GBP3: variants seen among roughly 807,000 people sequenced by gnomAD.
GBP3 encodes guanylate binding protein 3.
GBP3 carries 55 observed loss-of-function variants against 62.4 expected under a neutral mutation model. That is an observed-to-expected ratio of 0.88 (90% CI 0.71 to 1.10). GBP3 has a LOEUF of 1.10. GBP3 is among the 50% of genes least tolerant of loss of function. GBP3 has a pLI of 0.00. For synonymous variants in GBP3, 208 were observed against 259.2 expected, an observed-to-expected ratio of 0.80 and a Z score of 1.90; for missense variants, 605 against 690.6, an observed-to-expected ratio of 0.88 and a Z score of 1.39.
Position 89,007,650 on chromosome 1 carries a change from T to C in GBP3, c.*74A>G. 1.5e-6 allele frequency: 2 copies of C among 1,359,498 alleles called. No individual in the cohort carries two copies. Among genetic ancestry groups the C allele is most frequent in the Non-Finnish European group, 2.0e-6 (2 of 975,990 alleles). The allele number at this position is 1,359,498 out of a possible 1,614,324, so 84.2% of individuals were successfully genotyped here. On this transcript the variant is annotated 3_prime_UTR_variant, in exon 11 of 11. Transcript: ENST00000370481. ...TGCAAGATCTAATTATTATCAAATA[T>C]AGTGACACTTGTTCCAAATTCTAAA... is the stretch of plus-strand genomic sequence containing the variant.
At chr1:89,018,059 A>AC (rs1299052984) in intron 2 of GBP3, among the ~76,000 whole-genome samples, 1 of 151,680 alleles carries the variant, frequency 6.6e-6, no homozygotes, top group Non-Finnish European at 1.5e-5. Flanking sequence ...AGCCTGGGTG[A>AC]CAGAGTGAGA....
Position 89,013,399 on chromosome 1 carries a change from A to C in GBP3, c.654T>G (p.Asn218Lys). 6 of 1,611,458 alleles carry C rather than the reference A, an allele frequency of 3.7e-6. No individual in the cohort carries two copies. The highest frequency in any genetic ancestry group is 5.1e-6 in the Non-Finnish European group (6 of 1,179,264). The change falls in exon 6 of 11, where the codon AAT becomes AAG. Residue 218 changes from asparagine to lysine, a missense_variant. Coordinates refer to ENST00000370481, the MANE Select transcript of GBP3 (RefSeq NM_018284.3). ...QGTSQKDKNF[N>K]LPRLCIRKFF... is the part of the protein sequence containing the mutation. Reference sequence around the variant, plus strand: ...ACTTCCGGATACAGAGTCGGGGCAGATTAAAATTTTTATCTTTTTGACTGG... The same window carrying C: ...ACTTCCGGATACAGAGTCGGGGCAGCTTAAAATTTTTATCTTTTTGACTGG...
rs1162964891 is a variant in GBP3, at chr1:89,020,710, C to T, written c.12G>A (p.Glu4=). ...GGCACATTGGGCCTGTCATGTGGAT[C>T]TCTGGAGCCATGTCCAGGGCATTGT... MAP[E]IHMTGPMCLI... Residue 4 remains glutamate (E), a synonymous_variant, in exon 2 of 11, where the codon GAG becomes GAA. Transcript: ENST00000370481. The T allele has an allele frequency of 1.2e-6, 2 of 1,613,808 alleles. No individual in the cohort carries two copies. The highest frequency in any genetic ancestry group is 1.3e-5 in the African/African-American group (1 of 74,908).
Position 89,011,893 on chromosome 1 carries a change from G to T in GBP3, c.1003C>A (p.Gln335Lys). 6.8e-7 allele frequency: 1 copy of T among 1,462,264 alleles called. No homozygotes were observed. The highest frequency in any genetic ancestry group is 9.5e-7 in the Non-Finnish European group (1 of 1,055,272). The allele number at this position is 1,462,264 out of a possible 1,614,324, so 90.6% of individuals were successfully genotyped here. A position where few individuals can be genotyped will look rare whatever the true frequency, so the allele number is the denominator to read the frequency against. Residue 335 changes from glutamine to lysine, a missense_variant, in exon 7 of 11, where the codon CAG (glutamine) becomes AAG (lysine). By Grantham distance (53) the Gln-to-Lys change is moderately conservative. This residue lies in a region of GBP3 where 137 missense variants were observed against 224.7 expected (regional missense o/e 0.61). Transcript: ENST00000370481. The part of the protein sequence containing the change: ...AVQKAIAHYD[Q>K]QMGQKVQLPA... Reference sequence around the variant, plus strand: ...AGCTGCACCTTCTGGCCCATCTGCTGGTCATAGTGGGCAATAGCCTTTTGC... The same window carrying T: ...AGCTGCACCTTCTGGCCCATCTGCTTGTCATAGTGGGCAATAGCCTTTTGC...
At position 89,007,752 on chromosome 1, in the gene GBP3, C is replaced by G. The variant is rs749513169; in HGVS notation, c.1760G>C (p.Arg587Thr). The change falls in exon 11 of 11, where the codon AGA becomes ACA. Residue 587 changes from arginine (R) to threonine (T), a missense_variant. Physicochemically the swap from Arg to Thr is moderately conservative, Grantham distance 71. Around this residue, in one of 3 missense-constraint regions of GBP3, gnomAD observed 160 missense variants for 147.8 expected, o/e 1.08. Coordinates refer to ENST00000370481, the MANE Select transcript of GBP3 (RefSeq NM_018284.3). ...LQKTLKKKTK[R>T]YMSHKLKI ...GATCTTTAGCTTATGCGACATATATCTCTTGGTTTTTTTTTTCAGGGTCTT... is the reference window on the plus strand; with the variant it reads ...GATCTTTAGCTTATGCGACATATATGTCTTGGTTTTTTTTTTCAGGGTCTT... 5.0e-6 allele frequency: 8 copies of G among 1,612,464 alleles called. No homozygotes were observed. The South Asian group carries it at 7.7e-5, about 16-fold the overall frequency.
At chr1:89,015,252 G>A in intron 3 of GBP3, 35 bp downstream of exon 3, 9 of 1,552,278 alleles carry the variant, frequency 5.8e-6, no homozygotes, top group Middle Eastern at 3.6e-4. Context: ...TCAGAGATGA[G>A]GGGCTTATTT....
intron 2 of GBP3, chr1:89,020,219 A>T (rs1489627139): frequency 2.4e-6 from 1 of 410,234 alleles, no homozygotes; most frequent in Non-Finnish European, 4.7e-6. Context: ...AGCCTGGGGA[A>T]AGAGCAAGAC....
At chr1:89,010,423 T>A (rs1678492826) in intron 8 of GBP3, among the ~76,000 whole-genome samples, 1 of 137,424 alleles carries the variant, frequency 7.3e-6, no homozygotes, top group African/African-American at 2.5e-5. Context: ...CCCGGCCTAG[T>A]TAACTAGTAT....
chr1:89,017,603 G>T (rs1192372490), intron 2 of GBP3, among the ~76,000 whole-genome samples: 1 of 152,116 alleles, frequency 6.6e-6, no homozygotes, highest in East Asian at 1.9e-4. Flanking sequence ...CAAATATAAA[G>T]AATTCCTACA....
intron 8 of GBP3, among the ~76,000 whole-genome samples, chr1:89,009,733 C>T (rs567518019): frequency 3.9e-5 from 6 of 152,228 alleles, no homozygotes; most frequent in African/African-American, 1.4e-4. Context: ...GATTCCCTGT[C>T]CTTTTCAAAT....
chr1:89,007,758 G>T lies in GBP3; in HGVS notation c.1754C>A (p.Thr585Asn), dbSNP rs779355094. The T allele has an allele frequency of 9.0e-6, 13 of 1,447,998 alleles. No individual in the cohort carries two copies. Among genetic ancestry groups the T allele is most frequent in the African/African-American group, 4.3e-5 (3 of 69,622 alleles). 89.7% of individuals were successfully genotyped at this position (1,447,998 alleles called of 1,614,324 possible). Residue 585 changes from threonine (T) to asparagine (N), a missense_variant, in exon 11 of 11, where the codon ACC (threonine) becomes AAC (asparagine). Thr to Asn is a moderately conservative substitution (Grantham distance 65, BLOSUM62 0). Around this residue, in one of 3 missense-constraint regions of GBP3, gnomAD observed 160 missense variants for 147.8 expected, o/e 1.08. Transcript: ENST00000370481. ...QKLQKTLKKK[T>N]KRYMSHKLKI Reference sequence around the variant, plus strand: ...TAGCTTATGCGACATATATCTCTTGGTTTTTTTTTTCAGGGTCTTCTGTAG... The same window carrying T: ...TAGCTTATGCGACATATATCTCTTGTTTTTTTTTTTCAGGGTCTTCTGTAG...
intron 2 of GBP3, among the ~76,000 whole-genome samples, chr1:89,018,740 C>G (rs1335127103): frequency 6.6e-6 from 1 of 152,178 alleles, no homozygotes; most frequent in African/African-American, 2.4e-5. Flanking sequence ...TCAAACGACC[C>G]TAAATCCCTC....
At position 89,015,852 on chromosome 1, in the gene GBP3, G is replaced by A. The variant is rs539190469; in HGVS notation, c.191-438C>T. Among the ~76,000 whole-genome samples, 4 of 151,856 alleles carry A rather than the reference G, an allele frequency of 2.6e-5. No individual in the cohort carries two copies. In the South Asian group the frequency reaches 8.3e-4, roughly 31 times the overall value. ...CACAGCCTGCTTCATACTCAATGGT[G>A]AAGACTGAAAATTTTCCTCTAATAT... On this transcript the variant is annotated intron_variant, in intron 2 of 10. Transcript: ENST00000370481.
rs751639388 is a variant in GBP3, at chr1:89,021,510, G to GCGCACACACACACACACACA, written c.-22-768_-22-767insTGTGTGTGTGTGTGTGTGCG. On this transcript the variant is annotated intron_variant, in intron 1 of 10. Transcript: ENST00000370481. ...CTAAGAAACACGCATGCGCGCGCGCGCACACACACACACACACACACACAC... is the reference window on the plus strand; with the variant it reads ...CTAAGAAACACGCATGCGCGCGCGCGCGCACACACACACACACACACACACACACACACACACACACACAC... 3.0e-4 allele frequency among the ~76,000 whole-genome samples: 39 copies of GCGCACACACACACACACACA among 131,732 alleles called. 1 individual carries two copies. Among genetic ancestry groups the GCGCACACACACACACACACA allele is most frequent in the African/African-American group, 1.1e-3 (38 of 33,284 alleles). 86.4% of individuals were successfully genotyped at this position (131,732 alleles called of 152,430 possible).
rs1424007378 is a variant in GBP3 at position 89,014,779 on chromosome 1, G to C, written c.319-123C>G. 25 of 1,207,166 alleles carry C rather than the reference G, an allele frequency of 2.1e-5. No homozygotes were observed. In the South Asian group the frequency reaches 3.0e-4, roughly 14 times the overall value. The allele number at this position is 1,207,166 out of a possible 1,614,324, so 74.8% of individuals were successfully genotyped here. ...TTTTAAGACTAATGACCTATGAAAA[G>C]AACCCAAATCCAAACAAAATGATTG... On this transcript the variant is annotated intron_variant, in intron 3 of 10. Transcript: ENST00000370481.
At chr1:89,013,504 T>C (rs879024973) in intron 5 of GBP3, 77 bp from the exon 6 acceptor site, 2 of 1,446,598 alleles carry the variant, frequency 1.4e-6, no homozygotes, top group Admixed American at 2.2e-5. Context: ...TTTTAGGCTC[T>C]GCAGGCTAGG....
Position 89,013,271 on chromosome 1 carries a change from A to C in GBP3, c.782T>G (p.Val261Gly). 1.3e-5 allele frequency: 21 copies of C among 1,614,192 alleles called. No homozygotes were observed. The highest frequency in any genetic ancestry group is 1.8e-5 in the Non-Finnish European group (21 of 1,180,032). The part of the protein sequence containing the change: ...LQDEELDPEF[V>G]QQVADFCSYI... ...GGAACAGAAGTCTGCTACTTGTTGC[A>C]CAAATTCAGGGTCCAGCTCTTCATC... The change falls in exon 6 of 11, where the codon GTG (valine) becomes GGG (glycine). Residue 261 changes from valine (V) to glycine (G), a missense_variant. By Grantham distance (109) the Val-to-Gly change is moderately radical. Coordinates refer to ENST00000370481, the MANE Select transcript of GBP3 (RefSeq NM_018284.3).
Position 89,014,674 on chromosome 1 carries a change from C to A in GBP3, c.319-18G>T. ...TTGTCACCCTGGAAGTCAAGACACA[C>A]TGGAGTCAGGAGCAAGTTTCATCAT... On this transcript the variant is annotated intron_variant, in intron 3 of 10. Transcript: ENST00000370481. 6.2e-7 allele frequency: 1 copy of A among 1,613,812 alleles called. No homozygotes were observed. The highest frequency in any genetic ancestry group is 8.5e-7 in the Non-Finnish European group (1 of 1,179,850).
intron 2 of GBP3, among the ~76,000 whole-genome samples, chr1:89,019,914 T>TA (rs1188196879): frequency 6.6e-6 from 1 of 151,652 alleles, no homozygotes; most frequent in Non-Finnish European, 1.5e-5. Context: ...TGTTTATATA[T>TA]TTTTTAAAAC....
Sources: allele counts gnomAD v4.1 joint callset (sites outside exome capture counted in the v4.1 genomes callset), GRCh38; gene constraint gnomAD v4.1.1; regional missense constraint gnomAD v4.1.1; transcripts MANE v1.5; gene names NCBI Gene and HGNC (gene_info 2026-07-23, HGNC 2026-07-21).